Variants in NT5C3A observed in about 807,000 individuals in gnomAD.
NT5C3A encodes the protein cytosolic 5'-nucleotidase 3A.
Under a neutral mutation model 40.0 loss-of-function variants are expected in NT5C3A, and 23 were observed. The observed-to-expected ratio is 0.58, with a 90% confidence interval of 0.41 to 0.81. The LOEUF (loss-of-function observed/expected upper bound fraction) is 0.81, where lower values mean the gene tolerates loss of function less well. Ranked by LOEUF, NT5C3A falls within the 40% of genes least tolerant of loss-of-function variation. The pLI, the probability that NT5C3A is intolerant of heterozygous loss-of-function variation, is 0.00. For missense variants in NT5C3A, 328 were observed against 403.0 expected (o/e 0.81, Z 1.59); for synonymous variants, 130 against 141.4 (o/e 0.92, Z 0.57).
intron 1 of NT5C3A, among the ~76,000 whole-genome samples, chr7:33,039,354 A>C (rs912190221): frequency 2.0e-5 from 3 of 152,114 alleles, no homozygotes; most frequent in Admixed American, 6.6e-5. Flanking sequence ...AAAAACTGTG[A>C]CTGCTTTAAT....
At chr7:33,025,926 C>G (rs1785901873) in intron 2 of NT5C3A, among the ~76,000 whole-genome samples, 1 of 152,230 alleles carries the variant, frequency 6.6e-6, no homozygotes, top group East Asian at 1.9e-4. Flanking sequence ...TGGCTCACGC[C>G]TGTAATCCCA....
chr7:33,016,066 T>C (rs1785307807), intron 7 of NT5C3A, 196 bp from the exon 8 acceptor site: 1 of 578,044 alleles, frequency 1.7e-6, no homozygotes, highest in Non-Finnish European at 3.1e-6. Flanking sequence ...AATGATTTTT[T>C]AGATACTATT....
At chr7:33,050,598 A>C (rs954581713) in intron 1 of NT5C3A, among the ~76,000 whole-genome samples, 2 of 152,220 alleles carry the variant, frequency 1.3e-5, no homozygotes, top group Non-Finnish European at 2.9e-5. Context: ...TGGGGACAGG[A>C]AGGATCTTGC....
At chr7:33,022,793 T>C (rs1345154407) in intron 3 of NT5C3A, among the ~76,000 whole-genome samples, 1 of 152,232 alleles carries the variant, frequency 6.6e-6, no homozygotes, top group Non-Finnish European at 1.5e-5. Flanking sequence ...CTGCTATTAG[T>C]AATAATTTTA....
chr7:33,044,325 GAC>G (rs1787053207), intron 1 of NT5C3A, among the ~76,000 whole-genome samples: 1 of 152,130 alleles, frequency 6.6e-6, no homozygotes, highest in Non-Finnish European at 1.5e-5. Flanking sequence ...AAGGAATAAG[GAC>G]ACAAGCAAAG....
At chr7:33,017,675 T>A (rs891888434) in intron 6 of NT5C3A, 74 bp from the exon 7 acceptor site, 41 of 1,159,958 alleles carry the variant, frequency 3.5e-5, no homozygotes, top group Non-Finnish European at 5.0e-5. Flanking sequence ...GCTAAAAAAG[T>A]GAAATATTCC....
chr7:33,048,614 T>C (rs773014934), intron 1 of NT5C3A, among the ~76,000 whole-genome samples: 1 of 152,212 alleles, frequency 6.6e-6, no homozygotes, highest in Non-Finnish European at 1.5e-5. Flanking sequence ...TTGCATAGTT[T>C]TAGCCAAATT....
intron 5 of NT5C3A, 67 bp from the exon 6 acceptor site, chr7:33,019,791 C>A: frequency 1.1e-6 from 1 of 902,634 alleles, no homozygotes. Flanking sequence ...ATCTTTATTA[C>A]AAAACATTCT....
intron 8 of NT5C3A, 102 bp downstream of exon 8, chr7:33,015,568 G>A: frequency 2.1e-5 from 15 of 730,962 alleles, no homozygotes; most frequent in East Asian, 2.7e-5. Context: ...AAAAAAAAAA[G>A]TCTCTAAAAT....
In NT5C3A at chr7:33,022,043, T is replaced by TA; in HGVS notation, c.354+9dup. 1.4e-6 allele frequency: 2 copies of TA among 1,461,416 alleles called. No individual in the cohort carries two copies. The highest frequency in any genetic ancestry group is 2.8e-5 in the African/African-American group (2 of 72,028). 90.5% of individuals were successfully genotyped at this position (1,461,416 alleles called of 1,614,324 possible). ...TCTTTGAGTGACTATAGATTGTTGT[T>TA]AGTGTTTACCTTTTTTCTACATTCA... On this transcript the variant is annotated intron_variant, in intron 4 of 8. Transcript: ENST00000610140.
intron 1 of NT5C3A, among the ~76,000 whole-genome samples, chr7:33,050,184 C>G (rs921226954): frequency 6.6e-6 from 1 of 151,940 alleles, no homozygotes; most frequent in Non-Finnish European, 1.5e-5. Flanking sequence ...TAAATAAATG[C>G]GTAGAGTATA....
At chr7:33,041,082 A>G in intron 1 of NT5C3A, 1 of 985,044 alleles carries the variant, frequency 1.0e-6, no homozygotes, top group East Asian at 1.1e-4. Flanking sequence ...CAATCTACAT[A>G]ACATTATCAA....
intron 1 of NT5C3A, among the ~76,000 whole-genome samples, chr7:33,034,648 TAACTA>T (rs1786481801): frequency 1.3e-5 from 2 of 152,204 alleles, no homozygotes. Flanking sequence ...CTAAGAGCAA[TAACTA>T]AACTGACGAT....
chr7:33,026,193 A>G (rs2127998861), intron 2 of NT5C3A, among the ~76,000 whole-genome samples: 2 of 151,106 alleles, frequency 1.3e-5, no homozygotes, highest in South Asian at 4.2e-4. Context: ...TCAAAAAACA[A>G]AAAAATTAGC....
intron 6 of NT5C3A, among the ~76,000 whole-genome samples, chr7:33,019,230 T>A (rs1785497502): frequency 6.6e-6 from 1 of 151,450 alleles, no homozygotes; most frequent in African/African-American, 2.4e-5. Flanking sequence ...CACTCTAACC[T>A]GGGCAACAGA....
At chr7:33,039,638 G>T (rs577565155) in intron 1 of NT5C3A, among the ~76,000 whole-genome samples, 110 of 126,688 alleles carry the variant, frequency 8.7e-4, no homozygotes, top group Non-Finnish European at 1.4e-3. Flanking sequence ...CATCTTTTCT[G>T]TATGGCTGTA....
chr7:33,043,206 T>C (rs1244769877), intron 1 of NT5C3A, among the ~76,000 whole-genome samples: 1 of 152,198 alleles, frequency 6.6e-6, no homozygotes, highest in African/African-American at 2.4e-5. Flanking sequence ...GAGCTGAGTA[T>C]TTACAGACAT....
chr7:33,056,803 CAT>C (rs969511041), intron 1 of NT5C3A, among the ~76,000 whole-genome samples: 2 of 152,078 alleles, frequency 1.3e-5, no homozygotes, highest in East Asian at 1.9e-4. Context: ...ACCCAGAAAA[CAT>C]GTGATATTTT....
chr7:33,060,600 C>T (rs576852630), intron 1 of NT5C3A, among the ~76,000 whole-genome samples: 13 of 152,066 alleles, frequency 8.5e-5, no homozygotes, highest in Admixed American at 2.0e-4. Context: ...TTGACCAAGT[C>T]CCAGAAGTTA....
Sources: gnomAD v4.1 joint callset for allele counts (sites outside exome capture counted in the v4.1 genomes callset) on GRCh38, gnomAD v4.1.1 for gene constraint, MANE v1.5 for transcripts, NCBI Gene and HGNC (gene_info 2026-07-23, HGNC 2026-07-21) for gene names.